The following DCC variants were observed in gnomAD, a reference collection of about 807,000 sequenced individuals.
DCC encodes netrin receptor DCC.
In DCC, 58 loss-of-function variants were observed where a neutral mutation model predicts 172.5. That is an observed-to-expected ratio of 0.34 (90% CI 0.27 to 0.42). The LOEUF (loss-of-function observed/expected upper bound fraction) is 0.42, where lower values mean the gene tolerates loss of function less well. Among genes scored for constraint, DCC ranks in the 10% least tolerant of loss-of-function variants. The pLI is 1.00. For missense variants in DCC, 1,740 were observed against 1,791.0 expected (o/e 0.97, Z 0.51); for synonymous variants, 709 against 644.5 (o/e 1.10, Z -1.52).
Position 53,075,671 on chromosome 18 carries a change from C to G in DCC, c.1261+9505C>G, listed in dbSNP as rs559348111. ...TTTTTATCTTTCACCTGTATATCAC[C>G]ATTTGATGAAAGATGTGCGAGTGCA... is the stretch of plus-strand genomic sequence containing the variant. On this transcript the variant is annotated intron_variant, in intron 7 of 28. Coordinates refer to ENST00000442544, the MANE Select transcript of DCC (RefSeq NM_005215.4). 1.6e-4 allele frequency among the ~76,000 whole-genome samples: 25 copies of G among 151,932 alleles called. No homozygotes were observed. The South Asian group carries it at 2.7e-3, about 16-fold the overall frequency.
intron 2 of DCC, among the ~76,000 whole-genome samples, chr18:52,808,342 A>G (rs2038126866): frequency 6.6e-6 from 1 of 151,164 alleles, no homozygotes. Context: ...GAAGCATTTC[A>G]TAGGTGACAT....
intron 15 of DCC, among the ~76,000 whole-genome samples, chr18:53,367,604 C>T (rs773672283): frequency 2.0e-5 from 3 of 152,086 alleles, no homozygotes; most frequent in East Asian, 1.9e-4. Context: ...GCGCAGCCAT[C>T]GAACCGTACA....
At chr18:53,427,853 T>C (rs1911084774) in intron 21 of DCC, among the ~76,000 whole-genome samples, 1 of 92,662 alleles carries the variant, frequency 1.1e-5, no homozygotes, top group South Asian at 3.4e-4. Context: ...ATATATTTCT[T>C]TTTATATATA....
intron 3 of DCC, among the ~76,000 whole-genome samples, chr18:52,914,940 G>GTT (rs2145468021): frequency 6.6e-6 from 1 of 152,184 alleles, no homozygotes; most frequent in Non-Finnish European, 1.5e-5. Flanking sequence ...TTGGAAATGT[G>GTT]TTTGATATTC....
At chr18:53,107,275 A>T (rs1199757125) in intron 7 of DCC, among the ~76,000 whole-genome samples, 1 of 151,820 alleles carries the variant, frequency 6.6e-6, no homozygotes, top group Non-Finnish European at 1.5e-5. Flanking sequence ...ACAGTGAGAC[A>T]TGTTGCAGAA....
chr18:52,476,725 A>T (rs1989105032), intron 1 of DCC, among the ~76,000 whole-genome samples: 1 of 152,044 alleles, frequency 6.6e-6, no homozygotes, highest in Admixed American at 6.6e-5. Context: ...AGGATAGGCT[A>T]ACTGCTACCA....
chr18:53,196,137 C>A (rs537935043), intron 9 of DCC, among the ~76,000 whole-genome samples: 171 of 152,218 alleles, frequency 1.1e-3, no homozygotes, highest in African/African-American at 3.6e-3. Context: ...GTAATGTGTA[C>A]ATGTAACATT....
intron 26 of DCC, among the ~76,000 whole-genome samples, chr18:53,493,515 G>C (rs987960725): frequency 6.6e-6 from 1 of 151,982 alleles, no homozygotes; most frequent in Non-Finnish European, 1.5e-5. Flanking sequence ...ATGTGTCCAG[G>C]AATTTATCCA....
intron 2 of DCC, among the ~76,000 whole-genome samples, chr18:52,859,731 TTC>T (rs1289299001): frequency 6.6e-6 from 1 of 152,186 alleles, no homozygotes; most frequent in East Asian, 1.9e-4. Context: ...TCAAGGCTAC[TTC>T]TGTTTGCAGG....
At position 52,541,875 on chromosome 18, in the gene DCC, G is replaced by GTATATATATATATATATATATA. The variant is rs765428849; in HGVS notation, c.91+201018_91+201019insATATATATATATATATATATAT. On this transcript the variant is annotated intron_variant, in intron 1 of 28. Coordinates refer to ENST00000442544, the MANE Select transcript of DCC (RefSeq NM_005215.4). ...TTAAAAGTATATGATGTGTGTGTGT[G>GTATATATATATATATATATATA]TATATATATATATATATATATGTGT... 3.4e-3 allele frequency among the ~76,000 whole-genome samples: 391 copies of GTATATATATATATATATATATA among 114,996 alleles called. 5 individuals carry two copies. Among genetic ancestry groups the GTATATATATATATATATATATA allele is most frequent in the Middle Eastern group, 4.9e-3 (1 of 204 alleles). 75.4% of individuals were successfully genotyped at this position (114,996 alleles called of 152,430 possible). A position where few individuals can be genotyped will look rare whatever the true frequency, so the allele number is the denominator to read the frequency against.
chr18:52,987,327 C>T (rs1010834952), intron 5 of DCC, among the ~76,000 whole-genome samples: 4 of 152,112 alleles, frequency 2.6e-5, no homozygotes, highest in African/African-American at 7.2e-5. Context: ...AAAACCCCAA[C>T]AACAAAACAC....
intron 2 of DCC, among the ~76,000 whole-genome samples, chr18:52,904,316 A>C (rs768875817): frequency 6.6e-6 from 1 of 152,200 alleles, no homozygotes; most frequent in Non-Finnish European, 1.5e-5. Flanking sequence ...GCTTGTACCT[A>C]ACCCACATAT....
chr18:53,172,750 C>T (rs950089651), intron 8 of DCC, among the ~76,000 whole-genome samples: 2 of 152,072 alleles, frequency 1.3e-5, no homozygotes, highest in African/African-American at 2.4e-5. Context: ...CTCATTGTCC[C>T]CTTTTTCCCT....
At chr18:52,662,664 AGGAG>A (rs770170160) in intron 1 of DCC, among the ~76,000 whole-genome samples, 4 of 150,806 alleles carry the variant, frequency 2.7e-5, no homozygotes, top group Middle Eastern at 3.4e-3. Flanking sequence ...GATGGAAGGA[AGGAG>A]GGAGGGAGGG....
chr18:52,609,992 A>G (rs1262184914), intron 1 of DCC, among the ~76,000 whole-genome samples: 3 of 150,772 alleles, frequency 2.0e-5, no homozygotes, highest in African/African-American at 7.3e-5. Flanking sequence ...AAGAAATATT[A>G]ACAAATGTTT....
chr18:52,431,533 G>GA (rs1317484398), intron 1 of DCC, among the ~76,000 whole-genome samples: 2 of 151,854 alleles, frequency 1.3e-5, no homozygotes, highest in Admixed American at 6.6e-5. Flanking sequence ...AAAAGAAGAA[G>GA]AAAAAAATGA....
At chr18:53,475,198 T>A (rs1726704781) in intron 25 of DCC, among the ~76,000 whole-genome samples, 1 of 152,172 alleles carries the variant, frequency 6.6e-6, no homozygotes, top group African/African-American at 2.4e-5. Context: ...AGAATAAAAA[T>A]TCAGAAAATT....
Position 53,016,351 on chromosome 18 carries a change from CA to C in DCC, c.986-46953del, listed in dbSNP as rs534097351. On this transcript the variant is annotated intron_variant, in intron 5 of 28. Coordinates refer to ENST00000442544, the MANE Select transcript of DCC (RefSeq NM_005215.4). ...GCATGTCCTATTTTGCTCTCAAACACAGCAAAATAGCAAAATAGAACATGCC... is the reference window on the plus strand; with the variant it reads ...GCATGTCCTATTTTGCTCTCAAACACGCAAAATAGCAAAATAGAACATGCC... 6.5e-3 allele frequency among the ~76,000 whole-genome samples: 984 copies of C among 152,156 alleles called. 6 individuals carry two copies. The highest frequency in any genetic ancestry group is 0.023 in the African/African-American group (941 of 41,554).
chr18:52,803,098 T>C (rs2038024492), intron 2 of DCC, among the ~76,000 whole-genome samples: 1 of 152,200 alleles, frequency 6.6e-6, no homozygotes, highest in African/African-American at 2.4e-5. Context: ...TATCAAACAA[T>C]TCGGCCTTTT....
Sources: allele counts gnomAD v4.1 joint callset (sites outside exome capture counted in the v4.1 genomes callset), GRCh38; gene constraint gnomAD v4.1.1; transcripts MANE v1.5; gene names NCBI Gene and HGNC (gene_info 2026-07-23, HGNC 2026-07-21).